Variants in CEP128 observed in about 807,000 individuals in gnomAD.
CEP128 encodes the protein centrosomal protein 128.
In CEP128, 132 loss-of-function variants were observed where a neutral mutation model predicts 156.7. The observed-to-expected ratio is 0.84, with a 90% CI of 0.73 to 0.97. The LOEUF (loss-of-function observed/expected upper bound fraction) is 0.97. Ranked by LOEUF, CEP128 falls within the 50% of genes least tolerant of loss-of-function variation. CEP128 has a pLI of 0.00. For synonymous variants in CEP128, 469 were observed against 448.9 expected (o/e 1.04, Z -0.57); for missense variants, 1,252 against 1,281.9 (o/e 0.98, Z 0.36).
chr14:80,640,987 G>A (rs2140787233), intron 19 of CEP128, among the ~76,000 whole-genome samples: 1 of 152,246 alleles, frequency 6.6e-6, no homozygotes, highest in East Asian at 1.9e-4. Context: ...CATTCCTTGA[G>A]AATTGCTTCC....
At position 80,785,243 on chromosome 14, in the gene CEP128, C is replaced by T. The variant is rs774689945; in HGVS notation, c.1863G>A (p.Lys621=). 6 of 1,614,176 alleles carry T rather than the reference C, an allele frequency of 3.7e-6. No individual in the cohort carries two copies. The highest frequency in any genetic ancestry group is 4.2e-6 in the Non-Finnish European group (5 of 1,180,020). Residue 621 remains lysine, a synonymous_variant, in exon 15 of 25, where the codon AAG becomes AAA. Transcript: ENST00000555265. The stretch of plus-strand genomic sequence containing the variant: ...GTTTAGCTTTGTCCTGGGCCTGGCT[C>T]TTCTTGAGCTCTGCAATTTCTTCCT... ...HLEEEIAELK[K]SQAQDKAKLL...
intron 20 of CEP128, among the ~76,000 whole-genome samples, chr14:80,561,963 T>C (rs1854798661): frequency 6.6e-6 from 1 of 151,450 alleles, no homozygotes; most frequent in South Asian, 2.1e-4. Context: ...AGTCTCACTC[T>C]GTCGCCCAGG....
intron 8 of CEP128, among the ~76,000 whole-genome samples, chr14:80,870,723 G>A (rs12588700): frequency 0.022 from 3,304 of 151,736 alleles, 41 homozygotes; most frequent in Middle Eastern, 0.068. Flanking sequence ...TCCATTCAAC[G>A]TAGTACTGAA....
chr14:80,559,392 T>C (rs1890574922), intron 20 of CEP128, 90 bp from the exon 21 acceptor site: 1 of 993,456 alleles, frequency 1.0e-6, no homozygotes, highest in Non-Finnish European at 1.5e-6. Context: ...CTATTTACCA[T>C]CTATTATTAA....
At chr14:80,482,496 A>C (rs1887075537) in intron 14 of CEP128, among the ~76,000 whole-genome samples, 1 of 152,218 alleles carries the variant, frequency 6.6e-6, no homozygotes, top group South Asian at 2.1e-4. Context: ...TAGAATCAAT[A>C]GCACTCTTAT....
chr14:80,716,060 T>A (rs1459694642), intron 19 of CEP128, among the ~76,000 whole-genome samples: 1 of 152,188 alleles, frequency 6.6e-6, no homozygotes, highest in Non-Finnish European at 1.5e-5. Context: ...GGCCACTGCA[T>A]TAATGTCTGG....
chr14:80,742,715 CTAGAA>C, intron 19 of CEP128: 1 of 229,408 alleles, frequency 4.4e-6, no homozygotes, highest in South Asian at 6.4e-5. Flanking sequence ...TCCTCTGTAC[CTAGAA>C]TAGTGTGTAC....
At chr14:80,544,407 G>T (rs1308054089) in intron 21 of CEP128, among the ~76,000 whole-genome samples, 2 of 152,180 alleles carry the variant, frequency 1.3e-5, no homozygotes, top group Non-Finnish European at 2.9e-5. Context: ...TGTGTCTGGT[G>T]AGGACCTGCT....
At chr14:80,765,643 T>C (rs1349482720) in intron 16 of CEP128, among the ~76,000 whole-genome samples, 1 of 152,164 alleles carries the variant, frequency 6.6e-6, no homozygotes, top group Non-Finnish European at 1.5e-5. Context: ...AGGTAACTTC[T>C]TTTGGAGGGT....
chr14:80,507,153 C>T (rs1338724904), intron 23 of CEP128, among the ~76,000 whole-genome samples: 3 of 151,884 alleles, frequency 2.0e-5, no homozygotes, highest in Non-Finnish European at 4.4e-5. Flanking sequence ...CCTGTATAGC[C>T]TGCAGAACCG....
chr14:80,846,235 A>T (rs372851828), intron 9 of CEP128, among the ~76,000 whole-genome samples: 14 of 152,156 alleles, frequency 9.2e-5, no homozygotes, highest in African/African-American at 3.4e-4. Context: ...CTTAAACACA[A>T]CTCACAGTAG....
At chr14:80,572,946 G>T (rs1232118622) in intron 20 of CEP128, among the ~76,000 whole-genome samples, 2 of 152,112 alleles carry the variant, frequency 1.3e-5, no homozygotes, top group Non-Finnish European at 2.9e-5. Flanking sequence ...GTTTTTTGAT[G>T]GAGTCTTGCT....
At chr14:80,588,603 A>G (rs1891917788) in intron 19 of CEP128, among the ~76,000 whole-genome samples, 2 of 152,106 alleles carry the variant, frequency 1.3e-5, no homozygotes, top group African/African-American at 4.8e-5. Context: ...TGGTCAACAA[A>G]TCTTAAACTA....
chr14:80,735,621 C>G (rs1357458634), intron 19 of CEP128, among the ~76,000 whole-genome samples: 1 of 152,158 alleles, frequency 6.6e-6, no homozygotes, highest in South Asian at 2.1e-4. Flanking sequence ...TTCATAGATG[C>G]TGTAACAAAT....
chr14:80,754,905 A>T (rs890920124), intron 18 of CEP128, among the ~76,000 whole-genome samples: 3 of 152,220 alleles, frequency 2.0e-5, no homozygotes, highest in Non-Finnish European at 2.9e-5. Context: ...TCATCTACGG[A>T]AACTGCTTAC....
chr14:80,523,220 C>T lies in CEP128; in HGVS notation c.3072+3649G>A, dbSNP rs550401789. Among the ~76,000 whole-genome samples, 4 of 152,310 alleles carry T rather than the reference C, an allele frequency of 2.6e-5. No homozygotes were observed. The East Asian group carries it at 7.7e-4, about 29-fold the overall frequency. On this transcript the variant is annotated intron_variant, in intron 23 of 24. Transcript: ENST00000555265. ...GTCTGCTATTCCAACAGTTATTTGTCTGTCAACAGTAATATAGTCAGAATC... is the reference window on the plus strand; with the variant it reads ...GTCTGCTATTCCAACAGTTATTTGTTTGTCAACAGTAATATAGTCAGAATC...
At chr14:80,610,933 G>GGGT (rs1892970927) in intron 19 of CEP128, among the ~76,000 whole-genome samples, 1 of 151,998 alleles carries the variant, frequency 6.6e-6, no homozygotes, top group Non-Finnish European at 1.5e-5. Context: ...ATTGAACAGC[G>GGGT]GGTGGTATGC....
intron 19 of CEP128, among the ~76,000 whole-genome samples, chr14:80,683,163 C>A (rs1166603386): frequency 1.3e-5 from 2 of 152,166 alleles, no homozygotes; most frequent in Non-Finnish European, 2.9e-5. Flanking sequence ...AAATGTCCAA[C>A]TTTAAAGGCA....
intron 19 of CEP128, among the ~76,000 whole-genome samples, chr14:80,710,025 T>C (rs114116055): frequency 0.014 from 2,058 of 151,940 alleles, 57 homozygotes; most frequent in African/African-American, 0.047. Flanking sequence ...CAATTTGTTT[T>C]GTACCCTGTT....
Sources: allele counts gnomAD v4.1 joint callset (sites outside exome capture counted in the v4.1 genomes callset), GRCh38; gene constraint gnomAD v4.1.1; transcripts MANE v1.5; gene names NCBI Gene and HGNC (gene_info 2026-07-23, HGNC 2026-07-21).